UCHL5: variants seen among roughly 807,000 people sequenced by gnomAD.
UCHL5 encodes the protein ubiquitin carboxyl-terminal hydrolase isozyme L5.
A neutral mutation model predicts 53.8 loss-of-function variants in UCHL5; 34 were observed. The observed-to-expected ratio is 0.63, with a 90% confidence interval of 0.48 to 0.84. The LOEUF is 0.84. Among genes scored for constraint, UCHL5 ranks in the 40% least tolerant of loss-of-function variants. The pLI is 0.00. For missense variants in UCHL5, 290 were observed against 385.6 expected, an observed-to-expected ratio of 0.75 and a Z score of 2.08; for synonymous variants, 111 against 126.3, an observed-to-expected ratio of 0.88 and a Z score of 0.81.
chr1:193,023,008 C>T lies in UCHL5; in HGVS notation c.761G>A (p.Ser254Asn), dbSNP rs768836329. 6.2e-7 allele frequency: 1 copy of T among 1,613,254 alleles called. No homozygotes were observed. The highest frequency in any genetic ancestry group is 8.5e-7 in the Non-Finnish European group (1 of 1,179,574). The part of the protein sequence containing the change: ...EEPMDTDQGN[S>N]MLSAIQSEVA... Reference sequence around the variant, plus strand: ...TTCTGACTGAATAGCACTTAACATACTATTACCTTGATCTGTATCCATGGG... The same window carrying T: ...TTCTGACTGAATAGCACTTAACATATTATTACCTTGATCTGTATCCATGGG... The change falls in exon 9 of 11, where the codon AGT becomes AAT. Residue 254 changes from serine (S) to asparagine (N), a missense_variant. Transcript: ENST00000367454.
In UCHL5 at chr1:193,029,450, C is replaced by G; in HGVS notation, c.373-1G>C. 6.2e-7 allele frequency: 1 copy of G among 1,613,486 alleles called. No individual in the cohort carries two copies. Among genetic ancestry groups the G allele is most frequent in the South Asian group, 1.1e-5 (1 of 91,020 alleles). On this transcript the variant is annotated splice_acceptor_variant, in intron 4 of 10. Coordinates refer to ENST00000367454, the MANE Select transcript of UCHL5 (RefSeq NM_001199261.3). LOFTEE classifies it high-confidence loss of function. ...AATTGCTCAGTGCCAAGCCTTTCAT[C>G]TAAAATAATTTTTTAAAGTAGCCTA...
intron 9 of UCHL5, among the ~76,000 whole-genome samples, chr1:193,021,865 T>A (rs988637676): frequency 6.6e-6 from 1 of 152,190 alleles, no homozygotes; most frequent in Non-Finnish European, 1.5e-5. Context: ...AAGCTTAACA[T>A]GTTTGTTTTA....
chr1:193,025,586 C>T (rs142136657), intron 7 of UCHL5, among the ~76,000 whole-genome samples: 104 of 152,270 alleles, frequency 6.8e-4, no homozygotes, highest in African/African-American at 2.5e-3. Context: ...GGCTAGAACA[C>T]CCATCTCTGC....
intron 3 of UCHL5, among the ~76,000 whole-genome samples, chr1:193,049,285 G>A (rs1261679500): frequency 6.6e-6 from 1 of 152,182 alleles, no homozygotes; most frequent in Non-Finnish European, 1.5e-5. Flanking sequence ...GTGGTGGTAT[G>A]TGCCTGTAAT....
At chr1:193,030,152 T>A in intron 3 of UCHL5, among the ~76,000 whole-genome samples, 1 of 152,216 alleles carries the variant, frequency 6.6e-6, no homozygotes, top group East Asian at 1.9e-4. Flanking sequence ...ACATATTTTT[T>A]TTCACTCAAT....
At position 193,019,816 on chromosome 1, in the gene UCHL5, A is replaced by G. The variant is rs1050416069; in HGVS notation, c.942+1281T>C. 11 of 929,728 alleles carry G rather than the reference A, an allele frequency of 1.2e-5. No homozygotes were observed. The Admixed American group carries it at 6.8e-4, about 58-fold the overall frequency. 57.6% of individuals were successfully genotyped at this position (929,728 alleles called of 1,614,324 possible). A position where few individuals can be genotyped will look rare whatever the true frequency, so the allele number is the denominator to read the frequency against. On this transcript the variant is annotated intron_variant, in intron 10 of 10. Coordinates refer to ENST00000367454, the MANE Select transcript of UCHL5 (RefSeq NM_001199261.3). Reference sequence around the variant, plus strand: ...CACAAAAAATTCTGTTCACAGATCAATTTTAATGCAAAATTTATACATTTA... The same window carrying G: ...CACAAAAAATTCTGTTCACAGATCAGTTTTAATGCAAAATTTATACATTTA...
intron 10 of UCHL5, chr1:193,020,056 T>C (rs1367818661): frequency 1.0e-6 from 1 of 984,806 alleles, no homozygotes; most frequent in Non-Finnish European, 1.2e-6. Flanking sequence ...CAGTTTCCCA[T>C]CTTAGAATAC....
chr1:193,052,093 C>T (rs991713726), intron 1 of UCHL5, among the ~76,000 whole-genome samples: 5 of 152,058 alleles, frequency 3.3e-5, no homozygotes, highest in Admixed American at 3.3e-4. Context: ...CACCTCTATC[C>T]ACTCTTTTCA....
intron 7 of UCHL5, among the ~76,000 whole-genome samples, chr1:193,025,326 T>C (rs1259363169): frequency 6.6e-6 from 1 of 152,242 alleles, no homozygotes; most frequent in Non-Finnish European, 1.5e-5. Flanking sequence ...TCCAGTCTTG[T>C]CTTCCAACCT....
chr1:193,029,917 A>G (rs946200551), intron 3 of UCHL5, among the ~76,000 whole-genome samples: 2 of 152,180 alleles, frequency 1.3e-5, no homozygotes, highest in Non-Finnish European at 2.9e-5. Flanking sequence ...TTAGGGTAAC[A>G]AGATCAATCA....
chr1:193,046,680 ATAAT>A (rs1027147277), intron 3 of UCHL5, among the ~76,000 whole-genome samples: 17 of 147,568 alleles, frequency 1.2e-4, no homozygotes, highest in African/African-American at 2.7e-4. Flanking sequence ...GAATATATAA[ATAAT>A]TAAATTTATA....
intron 1 of UCHL5, among the ~76,000 whole-genome samples, chr1:193,056,496 A>G (rs2102931894): frequency 6.6e-6 from 1 of 152,264 alleles, no homozygotes; most frequent in Non-Finnish European, 1.5e-5. Context: ...TCTTGGCTGT[A>G]ACCAAATATT....
At chr1:193,027,675 ACT>A (rs1329254535) in intron 7 of UCHL5, among the ~76,000 whole-genome samples, 3 of 152,102 alleles carry the variant, frequency 2.0e-5, no homozygotes, top group African/African-American at 7.2e-5. Context: ...ACCCAGTGAG[ACT>A]CTGTCTCAAA....
At chr1:193,020,330 A>G in intron 10 of UCHL5, 1 of 1,547,246 alleles carries the variant, frequency 6.5e-7, no homozygotes, top group Non-Finnish European at 8.7e-7. Flanking sequence ...CTTTAAGTTA[A>G]TGGTCCAAAA....
At chr1:193,054,832 G>A (rs1035501107) in intron 1 of UCHL5, among the ~76,000 whole-genome samples, 4 of 152,114 alleles carry the variant, frequency 2.6e-5, no homozygotes, top group African/African-American at 9.7e-5. Context: ...TAACTTACGG[G>A]TCAGAGTTGT....
chr1:193,045,333 C>T (rs1667002858), intron 3 of UCHL5, among the ~76,000 whole-genome samples: 1 of 152,174 alleles, frequency 6.6e-6, no homozygotes, highest in Admixed American at 6.5e-5. Context: ...GAAATGTAAT[C>T]CCCAATGCTG....
intron 3 of UCHL5, among the ~76,000 whole-genome samples, chr1:193,046,427 A>T (rs1428264748): frequency 6.6e-6 from 1 of 151,904 alleles, no homozygotes; most frequent in Non-Finnish European, 1.5e-5. Context: ...AAGAACACTA[A>T]AGGAGGCAGT....
chr1:193,054,340 T>G (rs1571945897), intron 1 of UCHL5, among the ~76,000 whole-genome samples: 1 of 152,216 alleles, frequency 6.6e-6, no homozygotes, highest in African/African-American at 2.4e-5. Context: ...TGACAACTTG[T>G]CATTCCCCTA....
chr1:193,018,172 G>A (rs1655520305), intron 10 of UCHL5, among the ~76,000 whole-genome samples: 1 of 151,424 alleles, frequency 6.6e-6, no homozygotes, highest in Non-Finnish European at 1.5e-5. Context: ...AAAAAGATCT[G>A]AAGCTTACTT....
Sources: gnomAD v4.1 joint callset for allele counts (sites outside exome capture counted in the v4.1 genomes callset) on GRCh38, gnomAD v4.1.1 for gene constraint, MANE v1.5 for transcripts, NCBI Gene and HGNC (gene_info 2026-07-23, HGNC 2026-07-21) for gene names.